Variants in COQ10A observed in about 807,000 individuals in gnomAD.
COQ10A encodes the protein coenzyme Q-binding protein COQ10 homolog A, mitochondrial.
COQ10A carries 25 observed loss-of-function variants against 26.1 expected under a neutral mutation model. The observed-to-expected ratio is 0.96, with a 90% CI of 0.70 to 1.34. COQ10A has a LOEUF of 1.34. COQ10A is among the 40% of genes most tolerant of loss of function. The pLI is 0.00. For missense variants in COQ10A, 312 were observed against 335.4 expected (o/e 0.93, Z 0.54); for synonymous variants, 132 against 124.0 (o/e 1.06, Z -0.43).
At chr12:56,270,055 G>T in intron 4 of COQ10A, 95 bp from the exon 5 acceptor site, 2 of 1,262,754 alleles carry the variant, frequency 1.6e-6, no homozygotes, top group Non-Finnish European at 2.3e-6. Flanking sequence ...GATGGGGAGG[G>T]GGAGAAAAGG....
intron 1 of COQ10A, 97 bp from the exon 2 acceptor site, chr12:56,267,697 G>T (rs1872391714): frequency 7.2e-6 from 11 of 1,532,878 alleles, no homozygotes; most frequent in Admixed American, 1.7e-5. Context: ...TTGTTTGGAC[G>T]ACCTTCGTCT....
intron 1 of COQ10A, 31 bp downstream of exon 1, chr12:56,267,283 G>A: frequency 6.3e-7 from 1 of 1,585,704 alleles, no homozygotes; most frequent in Non-Finnish European, 8.6e-7. Context: ...GCTGAGGGCA[G>A]GGGGTCGCTG....
At chr12:56,269,373 A>C (rs1170391415) in intron 3 of COQ10A, 87 bp from the exon 4 acceptor site, 1 of 1,465,898 alleles carries the variant, frequency 6.8e-7, no homozygotes, top group East Asian at 2.3e-5. Context: ...CCCTCATATC[A>C]GAAAAGAAGG....
chr12:56,267,443 C>A, intron 1 of COQ10A, 191 bp downstream of exon 1: 1 of 1,613,854 alleles, frequency 6.2e-7, no homozygotes, highest in African/African-American at 1.3e-5. Flanking sequence ...GGTGAGTGTC[C>A]AACCTCTTCT....
rs775593169 is a variant in COQ10A at position 56,269,549 on chromosome 12, T to A, written c.564T>A (p.Thr188=). 2 of 1,613,210 alleles carry A rather than the reference T, an allele frequency of 1.2e-6. No individual in the cohort carries two copies. The highest frequency in any genetic ancestry group is 1.7e-6 in the Non-Finnish European group (2 of 1,179,098). Residue 188 remains threonine (T), a synonymous_variant, in exon 4 of 5, where the codon ACT becomes ACA. Transcript: ENST00000308197. ...PGIPAYPRTC[T]VDFSISFEFR... The stretch of plus-strand genomic sequence containing the variant: ...TTCCTGCCTATCCTCGAACCTGCAC[T>A]GTGGACTTTTCGGTGAGTCAGGAGG...
Position 56,267,144 on chromosome 12 carries a change from T to C in COQ10A, c.26T>C (p.Val9Ala), listed in dbSNP as rs1003158586. The change falls in exon 1 of 5, where the codon GTC becomes GCC. Residue 9 changes from valine to alanine, a missense_variant. Coordinates refer to ENST00000308197, the MANE Select transcript of COQ10A (RefSeq NM_144576.4). Reference protein sequence around the residue: MAWAGSRRVPAGTRAAAER... With the variant: MAWAGSRRAPAGTRAAAER... ...ATGGCCTGGGCGGGCTCGCGGCGGGTCCCAGCTGGGACGCGCGCGGCAGCC... is the reference window on the plus strand; with the variant it reads ...ATGGCCTGGGCGGGCTCGCGGCGGGCCCCAGCTGGGACGCGCGCGGCAGCC... The C allele has an allele frequency of 2.3e-6, 3 of 1,318,432 alleles. No individual in the cohort carries two copies. Among genetic ancestry groups the C allele is most frequent in the Non-Finnish European group, 9.6e-7 (1 of 1,040,386 alleles). 81.7% of individuals were successfully genotyped at this position (1,318,432 alleles called of 1,614,324 possible). A position where few individuals can be genotyped will look rare whatever the true frequency, so the allele number is the denominator to read the frequency against.
At chr12:56,268,408 G>A (rs1244119959) in intron 2 of COQ10A, 1 of 171,772 alleles carries the variant, frequency 5.8e-6, no homozygotes, top group Non-Finnish European at 1.3e-5. Context: ...TGGAACCTGG[G>A]AGGCAGAGGT....
chr12:56,268,268 C>G (rs201673506), intron 2 of COQ10A: 1 of 274,038 alleles, frequency 3.6e-6, no homozygotes, highest in Non-Finnish European at 7.1e-6. Context: ...GTCAGGAGTT[C>G]GAGACCAGCC....
Position 56,269,504 on chromosome 12 carries a change from T to C in COQ10A, c.519T>C (p.Ile173=). The change falls in exon 4 of 5, where the codon ATT becomes ATC. Residue 173 remains isoleucine (I), a synonymous_variant. Coordinates refer to ENST00000308197, the MANE Select transcript of COQ10A (RefSeq NM_144576.4). Reference sequence around the variant, plus strand: ...AGCTCTTCAACCACTTAGAGACTATTTGGCGATTCAGCCCTGGTATTCCTG... The same window carrying C: ...AGCTCTTCAACCACTTAGAGACTATCTGGCGATTCAGCCCTGGTATTCCTG... ...DGKLFNHLET[I]WRFSPGIPAY... is the part of the protein sequence containing the mutation. The C allele has an allele frequency of 6.2e-7, 1 of 1,614,252 alleles. No homozygotes were observed. The highest frequency in any genetic ancestry group is 8.5e-7 in the Non-Finnish European group (1 of 1,180,048).
intron 4 of COQ10A, chr12:56,269,910 A>C (rs955719910): frequency 5.4e-6 from 3 of 555,052 alleles, no homozygotes; most frequent in Non-Finnish European, 6.4e-6. Context: ...TACAGGCGTG[A>C]GCCACCGCAC....
In COQ10A at chr12:56,270,496, C is replaced by CA. The variant is rs1872486746; in HGVS notation, c.*182dup. On this transcript the variant is annotated 3_prime_UTR_variant, in exon 5 of 5. Coordinates refer to ENST00000308197, the MANE Select transcript of COQ10A (RefSeq NM_144576.4). ...TGGAAATGTTGGGGGAAAGAGAAGG[C>CA]AAAGGATGTGGAAATGAGATGTGCT... 1.5e-6 allele frequency: 1 copy of CA among 659,086 alleles called. No homozygotes were observed. The allele number at this position is 659,086 out of a possible 1,614,324, so 40.8% of individuals were successfully genotyped here.
intron 4 of COQ10A, 139 bp downstream of exon 4, chr12:56,269,700 T>A (rs971159470): frequency 1.4e-6 from 1 of 700,934 alleles, no homozygotes; most frequent in African/African-American, 1.7e-5. Flanking sequence ...CGATCTTGGC[T>A]CACTGCAACC....
At chr12:56,269,737 C>T (rs1872453216) in intron 4 of COQ10A, 176 bp downstream of exon 4, 1 of 570,630 alleles carries the variant, frequency 1.8e-6, no homozygotes, top group African/African-American at 1.9e-5. Flanking sequence ...AAGCGATTTT[C>T]CTGCCTCAGC....
chr12:56,267,026 A>G lies in COQ10A; in HGVS notation c.-93A>G. 2 of 1,188,216 alleles carry G rather than the reference A, an allele frequency of 1.7e-6. No individual in the cohort carries two copies. The highest frequency in any genetic ancestry group is 2.1e-6 in the Non-Finnish European group (2 of 956,564). 73.6% of individuals were successfully genotyped at this position (1,188,216 alleles called of 1,614,324 possible). On this transcript the variant is annotated 5_prime_UTR_variant, in exon 1 of 5. Transcript: ENST00000308197. ...TCGCCCCTGCGCTCAGAGGTCCCGA[A>G]CCAGCCCAGCCGCTGCCTCTTGCCG...
chr12:56,267,163 G>T lies in COQ10A; in HGVS notation c.45G>T (p.Ala15=), dbSNP rs959082262. The change falls in exon 1 of 5, where the codon GCG becomes GCT. Residue 15 remains alanine, a synonymous_variant. Transcript: ENST00000308197. ...GSRRVPAGTR[A]AAERCCRLSL... ...GGCGGGTCCCAGCTGGGACGCGCGCGGCAGCCGAGCGCTGCTGCCGGCTCT... is the reference window on the plus strand; with the variant it reads ...GGCGGGTCCCAGCTGGGACGCGCGCTGCAGCCGAGCGCTGCTGCCGGCTCT... 1 of 1,342,624 alleles carries T rather than the reference G, an allele frequency of 7.4e-7. No individual in the cohort carries two copies. The highest frequency in any genetic ancestry group is 9.5e-7 in the Non-Finnish European group (1 of 1,053,452). The allele number at this position is 1,342,624 out of a possible 1,614,324, so 83.2% of individuals were successfully genotyped here.
chr12:56,270,051 G>A, intron 4 of COQ10A, 99 bp from the exon 5 acceptor site: 1 of 1,216,138 alleles, frequency 8.2e-7, no homozygotes, highest in Non-Finnish European at 1.2e-6. Flanking sequence ...ACTGGATGGG[G>A]AGGGGGAGAA....
chr12:56,268,927 T>C, intron 2 of COQ10A, 132 bp from the exon 3 acceptor site: 1 of 690,860 alleles, frequency 1.4e-6, no homozygotes, highest in Non-Finnish European at 2.6e-6. Flanking sequence ...AAGTTATTCA[T>C]CCAGGCTTAT....
In COQ10A at chr12:56,269,526, C is replaced by T; in HGVS notation, c.541C>T (p.Pro181Ser). 1 of 1,614,138 alleles carries T rather than the reference C, an allele frequency of 6.2e-7. No individual in the cohort carries two copies. Among genetic ancestry groups the T allele is most frequent in the Non-Finnish European group, 8.5e-7 (1 of 1,179,988 alleles). Reference protein sequence around the residue: ...ETIWRFSPGIPAYPRTCTVDF... With the variant: ...ETIWRFSPGISAYPRTCTVDF... ...TATTTGGCGATTCAGCCCTGGTATT[C>T]CTGCCTATCCTCGAACCTGCACTGT... is the stretch of plus-strand genomic sequence containing the variant. The change falls in exon 4 of 5, where the codon CCT becomes TCT. Residue 181 changes from proline to serine, a missense_variant. Pro to Ser is a moderately conservative substitution (Grantham distance 74). Transcript: ENST00000308197.
chr12:56,267,563 C>T (rs1872387131), intron 1 of COQ10A: 1 of 1,241,474 alleles, frequency 8.1e-7, no homozygotes. Flanking sequence ...TTCCCACACA[C>T]CCCTTTTTCT....
Sources: gnomAD v4.1 joint callset for allele counts on GRCh38, gnomAD v4.1.1 for gene constraint, MANE v1.5 for transcripts, NCBI Gene and HGNC (gene_info 2026-07-23, HGNC 2026-07-21) for gene names.